Variants in MED12L observed in about 807,000 individuals in gnomAD.
MED12L encodes the protein mediator complex subunit 12L, also known as mediator of RNA polymerase II transcription subunit 12-like protein.
In MED12L, 60 loss-of-function variants were observed where a neutral mutation model predicts 281.3. The ratio of observed to expected loss-of-function variants is 0.21; its 90% confidence interval spans 0.17 to 0.26. The LOEUF (loss-of-function observed/expected upper bound fraction) is 0.26. Ranked by LOEUF, MED12L falls within the 10% of genes least tolerant of loss-of-function variation. The pLI is 1.00. For synonymous variants in MED12L, 974 were observed against 987.2 expected, an observed-to-expected ratio of 0.99 and a Z score of 0.25; for missense variants, 2,146 against 2,680.9, an observed-to-expected ratio of 0.80 and a Z score of 4.41.
chr3:151,086,779 T>C lies in MED12L; in HGVS notation c.-129-19T>C. The C allele has an allele frequency of 1.6e-6, 1 of 616,544 alleles. No homozygotes were observed. The allele number at this position is 616,544 out of a possible 1,614,324, so 38.2% of individuals were successfully genotyped here. A position where few individuals can be genotyped will look rare whatever the true frequency, so the allele number is the denominator to read the frequency against. The stretch of plus-strand genomic sequence containing the variant: ...GGGCAGCGGCAGCATCCAACCTGCT[T>C]TATTCCTCCTGCCTGCAGCGCCACA... On this transcript the variant is annotated intron_variant, in intron 1 of 44. Transcript: ENST00000687756.
At chr3:151,176,825 G>A (rs548307366) in intron 11 of MED12L, among the ~76,000 whole-genome samples, 8 of 151,414 alleles carry the variant, frequency 5.3e-5, no homozygotes, top group Admixed American at 2.6e-4. Flanking sequence ...GGTCAACTGC[G>A]GAATTAAGTC....
At chr3:151,144,157 G>A (rs1384227579) in intron 5 of MED12L, among the ~76,000 whole-genome samples, 1 of 152,178 alleles carries the variant, frequency 6.6e-6, no homozygotes, top group East Asian at 1.9e-4. Flanking sequence ...TGTGACTGAT[G>A]TGTCAAATAA....
intron 16 of MED12L, among the ~76,000 whole-genome samples, chr3:151,348,000 A>G (rs990488059): frequency 6.6e-6 from 1 of 152,102 alleles, no homozygotes; most frequent in Non-Finnish European, 1.5e-5. Context: ...TCTTTCTAGG[A>G]TGCTTTCCTT....
At position 151,156,191 on chromosome 3, in the gene MED12L, G is replaced by C. The variant is rs571847223; in HGVS notation, c.587G>C (p.Arg196Pro). 3.1e-6 allele frequency: 5 copies of C among 1,610,694 alleles called. No individual in the cohort carries two copies. In the South Asian group the frequency reaches 5.5e-5, roughly 18 times the overall value. ...ACACAGATATCTACCAGATATCTTCGAGAGCAGTTGGCCAAGATTTCTGAC... is the reference window on the plus strand; with the variant it reads ...ACACAGATATCTACCAGATATCTTCCAGAGCAGTTGGCCAAGATTTCTGAC... ...EWTQISTRYL[R>P]EQLAKISDFY... The change falls in exon 6 of 45, where the codon CGA (arginine) becomes CCA (proline). Residue 196 changes from arginine (R) to proline (P), a missense_variant. By Grantham distance (103) the Arg-to-Pro change is moderately radical. Coordinates refer to ENST00000687756, the MANE Select transcript of MED12L (RefSeq NM_001393769.1).
At chr3:151,318,971 A>C (rs1027035125) in intron 16 of MED12L, among the ~76,000 whole-genome samples, 12 of 152,140 alleles carry the variant, frequency 7.9e-5, no homozygotes, top group Middle Eastern at 3.2e-3. Context: ...CTCTGTAAGC[A>C]ACGTGCCCGG....
At chr3:151,167,202 A>G (rs539156103) in intron 11 of MED12L, among the ~76,000 whole-genome samples, 8 of 152,362 alleles carry the variant, frequency 5.3e-5, no homozygotes, top group African/African-American at 1.7e-4. Context: ...ACACATATCT[A>G]GCAATAGATT....
chr3:151,252,736 A>G (rs1179669101), intron 16 of MED12L, among the ~76,000 whole-genome samples: 2 of 152,148 alleles, frequency 1.3e-5, no homozygotes, highest in African/African-American at 2.4e-5. Flanking sequence ...TCAGTTTGCT[A>G]TGCAGGAGTA....
intron 2 of MED12L, among the ~76,000 whole-genome samples, chr3:151,109,768 C>T (rs533051812): frequency 5.3e-5 from 8 of 152,274 alleles, no homozygotes; most frequent in African/African-American, 1.9e-4. Flanking sequence ...CTTCTGCTTC[C>T]CAACAGTTAT....
chr3:151,436,326 C>A lies in MED12L; in HGVS notation c.*3522C>A. ...CATTGTCTCTGTTCTGAGTGCCATG[C>A]TTGTAACATTGATAGGAGGTGGACA... On this transcript the variant is annotated 3_prime_UTR_variant, in exon 45 of 45. Transcript: ENST00000687756. The A allele has an allele frequency of 5.6e-6, 1 of 177,338 alleles. No individual in the cohort carries two copies. Among genetic ancestry groups the A allele is most frequent in the Admixed American group, 5.5e-5 (1 of 18,300 alleles). The allele number at this position is 177,338 out of a possible 1,614,324, so 11.0% of individuals were successfully genotyped here.
intron 31 of MED12L, among the ~76,000 whole-genome samples, chr3:151,379,883 T>A (rs1019081403): frequency 5.9e-5 from 9 of 152,326 alleles, no homozygotes; most frequent in African/African-American, 2.2e-4. Context: ...TATGGTTTGA[T>A]GCTAGTTTGA....
At chr3:151,163,260 T>TC (rs756274626) in intron 8 of MED12L, among the ~76,000 whole-genome samples, 1 of 152,094 alleles carries the variant, frequency 6.6e-6, no homozygotes, top group Non-Finnish European at 1.5e-5. Flanking sequence ...GCGAGGGAGA[T>TC]CTACAGGCTG....
intron 16 of MED12L, among the ~76,000 whole-genome samples, chr3:151,250,182 C>A (rs1736567624): frequency 6.6e-6 from 1 of 152,176 alleles, no homozygotes; most frequent in Non-Finnish European, 1.5e-5. Flanking sequence ...CAGCACTTAT[C>A]TAGAACTGCC....
intron 8 of MED12L, among the ~76,000 whole-genome samples, chr3:151,160,442 A>C (rs186709947): frequency 6.6e-6 from 1 of 152,300 alleles, no homozygotes; most frequent in Non-Finnish European, 1.5e-5. Flanking sequence ...TAATCTTTCT[A>C]AGTTCACATC....
Position 151,416,387 on chromosome 3 carries a change from C to G in MED12L, c.6373C>G (p.Leu2125Val). The change falls in exon 43 of 45, where the codon CTT (leucine) becomes GTT (valine). Residue 2125 changes from leucine to valine, a missense_variant. This residue lies in a region of MED12L where 496 missense variants were observed against 512.0 expected (regional missense o/e 0.97). Transcript: ENST00000687756. ...GTCCTCGCAGTCCCAGAGTCAGACC[C>G]TTGGTCTCCAAGCAATGCAGCCCCA... The part of the protein sequence containing the change: ...QQSSQSQSQT[L>V]GLQAMQPQQP... 1 of 1,613,708 alleles carries G rather than the reference C, an allele frequency of 6.2e-7. No homozygotes were observed. The highest frequency in any genetic ancestry group is 1.3e-5 in the African/African-American group (1 of 75,004).
intron 16 of MED12L, chr3:151,198,684 A>G: frequency 6.2e-7 from 1 of 1,614,158 alleles, no homozygotes; most frequent in South Asian, 1.1e-5. Flanking sequence ...GGAACAAAGC[A>G]TATGATGTAG....
intron 20 of MED12L, among the ~76,000 whole-genome samples, chr3:151,357,653 G>T (rs1754094578): frequency 6.6e-6 from 1 of 152,134 alleles, no homozygotes; most frequent in South Asian, 2.1e-4. Context: ...GCACTCTACG[G>T]TTAATGTTGG....
intron 16 of MED12L, chr3:151,338,385 A>G (rs765604897): frequency 5.0e-6 from 8 of 1,614,148 alleles, no homozygotes; most frequent in Non-Finnish European, 6.8e-6. Context: ...CAAAGAGAGT[A>G]AGAACATGAA....
At chr3:151,248,121 C>T (rs1470708359) in intron 16 of MED12L, among the ~76,000 whole-genome samples, 1 of 151,716 alleles carries the variant, frequency 6.6e-6, no homozygotes, top group African/African-American at 2.4e-5. Context: ...TTGCCATCCA[C>T]AAGTTAAAAC....
rs1313239926 is a variant in MED12L at position 151,108,058 on chromosome 3, C to T, written c.100-8280C>T. Among the ~76,000 whole-genome samples the T allele has an allele frequency of 3.3e-5, 5 of 152,238 alleles. 1 individual carries two copies. In the South Asian group the frequency reaches 8.3e-4, roughly 25 times the overall value. On this transcript the variant is annotated intron_variant, in intron 2 of 44. Coordinates refer to ENST00000687756, the MANE Select transcript of MED12L (RefSeq NM_001393769.1). ...ACAGTTATGCTAGATGCTGCTTTTT[C>T]GCTTCTCAGGGGAAAAAGAGAAGAA...
Sources: gnomAD v4.1 joint callset for allele counts (sites outside exome capture counted in the v4.1 genomes callset) on GRCh38, gnomAD v4.1.1 for gene constraint, gnomAD v4.1.1 regional missense constraint, MANE v1.5 for transcripts, NCBI Gene and HGNC (gene_info 2026-07-23, HGNC 2026-07-21) for gene names.